Variants in FSD1L observed in about 807,000 individuals in gnomAD.
FSD1L encodes FSD1-like protein.
In FSD1L, 45 loss-of-function variants were observed where a neutral mutation model predicts 71.6. The observed-to-expected ratio is 0.63, with a 90% CI of 0.49 to 0.81. The LOEUF is 0.81. Among genes scored for constraint, FSD1L ranks in the 30% least tolerant of loss-of-function variants. FSD1L has a pLI of 0.00. For missense variants in FSD1L, 561 were observed against 618.1 expected (o/e 0.91, Z 0.98); for synonymous variants, 197 against 207.2 (o/e 0.95, Z 0.42).
chr9:105,508,632 C>G lies in FSD1L; in HGVS notation c.812C>G (p.Ser271Ter). 6.5e-7 allele frequency: 1 copy of G among 1,549,870 alleles called. No homozygotes were observed. The highest frequency in any genetic ancestry group is 8.7e-7 in the Non-Finnish European group (1 of 1,145,322). The change falls in exon 9 of 14, where the codon TCA becomes TGA. Residue 271 changes from serine (S) to a stop codon, truncating the protein, a stop_gained. Coordinates refer to ENST00000481272, the MANE Select transcript of FSD1L (RefSeq NM_001145313.3). LOFTEE classifies it high-confidence loss of function. Reference protein sequence around the residue: ...EYTLSGLKFDSKYMNFRVRAC... With the variant: ...EYTLSGLKFD ...GTTTCTTCAGGCTTAAAATTTGATTCAAAGTATATGAATTTCAGAGTGCGA... is the reference window on the plus strand; with the variant it reads ...GTTTCTTCAGGCTTAAAATTTGATTGAAAGTATATGAATTTCAGAGTGCGA...
At chr9:105,485,648 CTT>C (rs774719538) in intron 7 of FSD1L, among the ~76,000 whole-genome samples, 12 of 127,204 alleles carry the variant, frequency 9.4e-5, no homozygotes, top group Admixed American at 8.7e-5. Context: ...CTTACAAGTA[CTT>C]TTTTTTTTTT....
At chr9:105,457,757 G>GC (rs1046980390) in intron 1 of FSD1L, among the ~76,000 whole-genome samples, 21 of 152,364 alleles carry the variant, frequency 1.4e-4, no homozygotes, top group Non-Finnish European at 2.2e-4. Flanking sequence ...CAGGCATGGA[G>GC]CAGTGAGGGG....
chr9:105,454,480 A>G (rs530795549), intron 1 of FSD1L, among the ~76,000 whole-genome samples: 6 of 152,332 alleles, frequency 3.9e-5, no homozygotes, highest in African/African-American at 7.2e-5. Context: ...TACTGAGTCA[A>G]TGTATATCTA....
intron 10 of FSD1L, among the ~76,000 whole-genome samples, chr9:105,531,852 A>G (rs1378293176): frequency 6.6e-6 from 1 of 152,168 alleles, no homozygotes; most frequent in African/African-American, 2.4e-5. Context: ...CTTTTTTGTT[A>G]TAATTTATAT....
chr9:105,463,649 C>T (rs907948559), intron 2 of FSD1L, among the ~76,000 whole-genome samples: 1 of 152,104 alleles, frequency 6.6e-6, no homozygotes, highest in Non-Finnish European at 1.5e-5. Flanking sequence ...AGAAAATTAA[C>T]CAAATGTTTT....
Position 105,448,244 on chromosome 9 carries a change from G to C in FSD1L, c.15+9G>C. ...CCATGGACTCCCAGAAAGTAAGCGG[G>C]GGAGGGGAGCCCGGGGCTACCGAGA... is the stretch of plus-strand genomic sequence containing the variant. On this transcript the variant is annotated intron_variant, in intron 1 of 13. Coordinates refer to ENST00000481272, the MANE Select transcript of FSD1L (RefSeq NM_001145313.3). 1.3e-6 allele frequency: 2 copies of C among 1,537,104 alleles called. No homozygotes were observed. The highest frequency in any genetic ancestry group is 8.8e-7 in the Non-Finnish European group (1 of 1,140,204).
chr9:105,461,461 T>C (rs1830690196), intron 1 of FSD1L, 59 bp from the exon 2 acceptor site: 2 of 742,130 alleles, frequency 2.7e-6, no homozygotes, highest in Non-Finnish European at 4.2e-6. Flanking sequence ...TTTATCCTGT[T>C]TTTCCTTTAC....
At chr9:105,500,882 T>G (rs1489973553) in intron 7 of FSD1L, 1 of 152,242 alleles carries the variant, frequency 6.6e-6, no homozygotes, top group Non-Finnish European at 1.5e-5. Context: ...TGGAGAAAAC[T>G]CAGCTTAATA....
chr9:105,492,291 T>C (rs141864784), intron 7 of FSD1L, among the ~76,000 whole-genome samples: 123 of 152,244 alleles, frequency 8.1e-4, no homozygotes, highest in Non-Finnish European at 1.5e-3. Flanking sequence ...TGCGTAGAGG[T>C]GTTTGTAGTA....
At chr9:105,487,106 A>G (rs1260842917) in intron 7 of FSD1L, among the ~76,000 whole-genome samples, 1 of 152,170 alleles carries the variant, frequency 6.6e-6, no homozygotes, top group African/African-American at 2.4e-5. Context: ...GCCACTTAAC[A>G]GTATGTAGGA....
chr9:105,465,906 CT>C (rs1265752298), intron 3 of FSD1L, among the ~76,000 whole-genome samples: 2 of 150,184 alleles, frequency 1.3e-5, no homozygotes. Context: ...AAGACTTGTT[CT>C]GTCACCCAGG....
intron 3 of FSD1L, among the ~76,000 whole-genome samples, chr9:105,464,922 G>A (rs578147290): frequency 6.6e-6 from 1 of 152,318 alleles, no homozygotes; most frequent in Non-Finnish European, 1.5e-5. Flanking sequence ...CGAGGCTGCA[G>A]TGAGCATTGA....
chr9:105,487,588 G>C (rs779744430), intron 7 of FSD1L, among the ~76,000 whole-genome samples: 5 of 152,032 alleles, frequency 3.3e-5, no homozygotes, highest in African/African-American at 7.2e-5. Flanking sequence ...GGGATTGTTA[G>C]TCTTTTTATT....
At chr9:105,492,617 G>A (rs1720573215) in intron 7 of FSD1L, among the ~76,000 whole-genome samples, 2 of 152,056 alleles carry the variant, frequency 1.3e-5, no homozygotes, top group African/African-American at 4.8e-5. Context: ...GATCTTTTCT[G>A]CTTTCTCTTG....
rs992966809 is a variant in FSD1L, at chr9:105,550,940, G to T, written c.*4457G>T. The stretch of plus-strand genomic sequence containing the variant: ...GGTCCATGGGAATGGACATGAAGAG[G>T]ATTTCACAGTATGTAGAGCAGAAGG... On this transcript the variant is annotated 3_prime_UTR_variant, in exon 14 of 14. Coordinates refer to ENST00000481272, the MANE Select transcript of FSD1L (RefSeq NM_001145313.3). The T allele has an allele frequency of 2.0e-5, 3 of 152,028 alleles. No individual in the cohort carries two copies. The highest frequency in any genetic ancestry group is 2.9e-5 in the Non-Finnish European group (2 of 67,950). 9.4% of individuals were successfully genotyped at this position (152,028 alleles called of 1,614,324 possible).
chr9:105,482,924 TC>T (rs1323165533), intron 6 of FSD1L, among the ~76,000 whole-genome samples: 2 of 152,202 alleles, frequency 1.3e-5, no homozygotes, highest in Non-Finnish European at 2.9e-5. Context: ...CCAAGTAGGT[TC>T]TAACCTATGC....
chr9:105,544,555 T>G (rs1194953194), intron 13 of FSD1L, among the ~76,000 whole-genome samples: 15 of 152,180 alleles, frequency 9.9e-5, no homozygotes, highest in Non-Finnish European at 1.9e-4. Context: ...TTTTTATGGT[T>G]TTAGGTCTAA....
intron 1 of FSD1L, among the ~76,000 whole-genome samples, chr9:105,452,656 TG>T (rs1564073151): frequency 4.9e-4 from 65 of 131,876 alleles, no homozygotes; most frequent in African/African-American, 1.7e-3. Flanking sequence ...CCTGCCTGCC[TG>T]CCTGCCTGCC....
At chr9:105,487,138 A>C (rs1034033171) in intron 7 of FSD1L, among the ~76,000 whole-genome samples, 2 of 152,154 alleles carry the variant, frequency 1.3e-5, no homozygotes, top group Admixed American at 1.3e-4. Context: ...ATCACTGTAC[A>C]TCACTTTATT....
Sources: gnomAD v4.1 joint callset for allele counts (sites outside exome capture counted in the v4.1 genomes callset) on GRCh38, gnomAD v4.1.1 for gene constraint, MANE v1.5 for transcripts, NCBI Gene and HGNC (gene_info 2026-07-23, HGNC 2026-07-21) for gene names.